Variants in BAALC observed in about 807,000 individuals in gnomAD.
BAALC encodes the protein brain and acute leukemia cytoplasmic protein.
A neutral mutation model predicts 15.5 loss-of-function variants in BAALC; 9 were observed. The observed-to-expected ratio is 0.58, with a 90% CI of 0.35 to 1.02. The LOEUF is 1.02. BAALC is among the 50% of genes least tolerant of loss of function. BAALC has a pLI of 0.02. For missense variants in BAALC, 201 were observed against 192.4 expected (o/e 1.04, Z -0.27); for synonymous variants, 80 against 74.6 (o/e 1.07, Z -0.37).
chr8:103,170,815 C>T (rs927752488), intron 1 of BAALC, among the ~76,000 whole-genome samples: 1 of 152,146 alleles, frequency 6.6e-6, no homozygotes, highest in African/African-American at 2.4e-5. Flanking sequence ...AATGGGGGCC[C>T]TTTGAGAAAC....
chr8:103,185,501 A>C (rs1024369946), intron 1 of BAALC, among the ~76,000 whole-genome samples: 3 of 152,232 alleles, frequency 2.0e-5, no homozygotes, highest in African/African-American at 4.8e-5. Context: ...ATAATTTATC[A>C]AAGTATAAAG....
intron 1 of BAALC, among the ~76,000 whole-genome samples, chr8:103,207,436 G>T (rs2130050512): frequency 6.6e-6 from 1 of 152,280 alleles, no homozygotes; most frequent in Non-Finnish European, 1.5e-5. Context: ...GTCTCTAGGG[G>T]TAAAAAATTA....
chr8:103,177,286 G>A (rs1811629310), intron 1 of BAALC, among the ~76,000 whole-genome samples: 1 of 151,400 alleles, frequency 6.6e-6, no homozygotes, highest in South Asian at 2.1e-4. Flanking sequence ...CTGGGCCCAA[G>A]TGATCCTCCC....
chr8:103,161,462 A>G (rs1046735063), intron 1 of BAALC, among the ~76,000 whole-genome samples: 1 of 152,164 alleles, frequency 6.6e-6, no homozygotes, highest in African/African-American at 2.4e-5. Flanking sequence ...AGCACTACAT[A>G]AATTCCTCAT....
At chr8:103,151,930 T>C (rs1586374382) in intron 1 of BAALC, among the ~76,000 whole-genome samples, 1 of 152,142 alleles carries the variant, frequency 6.6e-6, no homozygotes, top group Admixed American at 6.5e-5. Flanking sequence ...GTTGTAACCA[T>C]ATACGGGAAC....
chr8:103,159,697 C>T (rs993925498), intron 1 of BAALC, among the ~76,000 whole-genome samples: 3 of 152,132 alleles, frequency 2.0e-5, no homozygotes, highest in African/African-American at 2.4e-5. Flanking sequence ...TTCTAGTAGT[C>T]TTTGATAGTC....
At chr8:103,206,555 G>T (rs778133514) in intron 1 of BAALC, among the ~76,000 whole-genome samples, 1 of 152,124 alleles carries the variant, frequency 6.6e-6, no homozygotes, top group African/African-American at 2.4e-5. Context: ...ACTAGAAGCC[G>T]GTGGACAAGA....
In BAALC at chr8:103,227,165, G is replaced by A. The variant is rs552755962; in HGVS notation, c.328-824G>A. ...TGCGTTCTTGTGGGTCATTCTTCCTGACTGTGTGTGTGCGTGTATGTGTGT... is the reference window on the plus strand; with the variant it reads ...TGCGTTCTTGTGGGTCATTCTTCCTAACTGTGTGTGTGCGTGTATGTGTGT... On this transcript the variant is annotated intron_variant, in intron 2 of 2. Transcript: ENST00000309982. 7.9e-5 allele frequency among the ~76,000 whole-genome samples: 12 copies of A among 152,092 alleles called. No individual in the cohort carries two copies. In the East Asian group the frequency reaches 1.9e-3, roughly 24 times the overall value.
intron 1 of BAALC, among the ~76,000 whole-genome samples, chr8:103,149,225 G>A (rs529894569): frequency 1.1e-4 from 17 of 152,250 alleles, no homozygotes; most frequent in African/African-American, 4.1e-4. Flanking sequence ...TTTAGCGTGG[G>A]AGCCTCCTGC....
At chr8:103,190,151 CAG>C (rs760458086) in intron 1 of BAALC, among the ~76,000 whole-genome samples, 2 of 152,160 alleles carry the variant, frequency 1.3e-5, no homozygotes, top group Non-Finnish European at 2.9e-5. Flanking sequence ...ACAGAAATGG[CAG>C]AGTCAGGAAG....
rs146814579 is a variant in BAALC, at chr8:103,216,464, T to TATTA, written c.327+3395_327+3398dup. Among the ~76,000 whole-genome samples, 7 of 152,248 alleles carry TATTA rather than the reference T, an allele frequency of 4.6e-5. 1 individual carries two copies. The highest frequency in any genetic ancestry group is 3.3e-4 in the Admixed American group (5 of 15,298). ...TGTCTTCCTTGTGGTAGCAACTACT[T>TATTA]ATTAATTAATTAATTAATTTATGTA... On this transcript the variant is annotated intron_variant, in intron 2 of 2. Coordinates refer to ENST00000309982, the MANE Select transcript of BAALC (RefSeq NM_024812.3).
chr8:103,212,126 A>T (rs959637175), intron 1 of BAALC, among the ~76,000 whole-genome samples: 1 of 152,136 alleles, frequency 6.6e-6, no homozygotes, highest in East Asian at 1.9e-4. Flanking sequence ...TCAGTCCAAC[A>T]CTTTGAGCTG....
Position 103,140,855 on chromosome 8 carries a change from C to T in BAALC, c.-43C>T, listed in dbSNP as rs1810751691. 1.4e-6 allele frequency: 2 copies of T among 1,445,578 alleles called. No homozygotes were observed. Among genetic ancestry groups the T allele is most frequent in the East Asian group, 3.1e-5 (1 of 32,050 alleles). The allele number at this position is 1,445,578 out of a possible 1,614,324, so 89.5% of individuals were successfully genotyped here. A position where few individuals can be genotyped will look rare whatever the true frequency, so the allele number is the denominator to read the frequency against. ...CTCCGGGGCTGAGCCGCCGCCAGAG[C>T]CGACAGCCGAGCAGCCGCTGGGCGC... On this transcript the variant is annotated 5_prime_UTR_variant, in exon 1 of 3. Coordinates refer to ENST00000309982, the MANE Select transcript of BAALC (RefSeq NM_024812.3). The surrounding 1 kb of genome is among the most constrained non-coding windows in gnomAD (Gnocchi z 4.2).
intron 1 of BAALC, chr8:103,198,141 T>G (rs569135632): frequency 1.4e-6 from 1 of 702,272 alleles, no homozygotes; most frequent in East Asian, 2.7e-5. Flanking sequence ...CTACAGAAAG[T>G]TGGGCATCCC....
At chr8:103,141,169 G>C (rs1348727136) in intron 1 of BAALC, 112 bp downstream of exon 1, 1 of 1,253,728 alleles carries the variant, frequency 8.0e-7, no homozygotes, top group Admixed American at 4.0e-5. Flanking sequence ...GGCGGGGGTG[G>C]CTGGGAGGAA....
intron 2 of BAALC, among the ~76,000 whole-genome samples, chr8:103,224,675 G>C (rs1812763667): frequency 6.6e-6 from 1 of 151,978 alleles, no homozygotes; most frequent in Non-Finnish European, 1.5e-5. Context: ...CCTGGATCTG[G>C]AAAGGAAGGA....
chr8:103,198,283 A>G, intron 1 of BAALC: 1 of 550,918 alleles, frequency 1.8e-6, no homozygotes, highest in East Asian at 3.0e-5. Flanking sequence ...TTTGATGATT[A>G]AATGTGATAT....
chr8:103,195,748 T>C (rs1035561356), intron 1 of BAALC, among the ~76,000 whole-genome samples: 3 of 152,190 alleles, frequency 2.0e-5, no homozygotes, highest in Admixed American at 6.5e-5. Flanking sequence ...CTTTAACACA[T>C]AGAGATCCAT....
intron 1 of BAALC, among the ~76,000 whole-genome samples, chr8:103,206,428 T>C (rs1004626184): frequency 2.6e-5 from 4 of 152,220 alleles, no homozygotes; most frequent in African/African-American, 7.2e-5. Context: ...GTAGAGGTCA[T>C]GGTCCACCCA....
Sources: gnomAD v4.1 joint callset for allele counts (sites outside exome capture counted in the v4.1 genomes callset) on GRCh38, gnomAD v4.1.1 for gene constraint, Gnocchi (gnomAD v3.1) non-coding constraint, MANE v1.5 for transcripts, NCBI Gene and HGNC (gene_info 2026-07-23, HGNC 2026-07-21) for gene names.